STYX: variants seen among roughly 807,000 people sequenced by gnomAD.
The protein encoded by STYX is serine/threonine/tyrosine-interacting protein.
In STYX, 20 loss-of-function variants were observed where a neutral mutation model predicts 42.7. The ratio of observed to expected loss-of-function variants is 0.47; its 90% confidence interval spans 0.33 to 0.68. STYX has a LOEUF of 0.68. Ranked by LOEUF, STYX falls within the 30% of genes least tolerant of loss-of-function variation. The pLI is 0.02. For missense variants in STYX, 226 were observed against 268.5 expected, an observed-to-expected ratio of 0.84 and a Z score of 1.11; for synonymous variants, 78 against 81.9, an observed-to-expected ratio of 0.95 and a Z score of 0.26.
intron 1 of STYX, 26 bp downstream of exon 1, chr14:52,730,557 C>T (rs1880653471): frequency 1.2e-6 from 2 of 1,610,802 alleles, no homozygotes; most frequent in Non-Finnish European, 1.7e-6. Context: ...GGCTGCCACG[C>T]ACAGGCCTCT....
intron 3 of STYX, among the ~76,000 whole-genome samples, chr14:52,747,666 A>T (rs1056707215): frequency 1.3e-5 from 2 of 152,256 alleles, no homozygotes; most frequent in Admixed American, 6.5e-5. Flanking sequence ...TACATTTTTG[A>T]AATTCCCACT....
At chr14:52,731,433 CTTTTTTT>C (rs34855760) in intron 1 of STYX, among the ~76,000 whole-genome samples, 21 of 105,628 alleles carry the variant, frequency 2.0e-4, no homozygotes, top group African/African-American at 7.8e-4. Context: ...TGGAGGTTCA[CTTTTTTT>C]TTTTTTTTTT....
chr14:52,732,091 GTT>G (rs560828155), intron 1 of STYX, among the ~76,000 whole-genome samples: 1 of 85,992 alleles, frequency 1.2e-5, no homozygotes. Context: ...TATACTCATG[GTT>G]TTTTTTTTTT....
In STYX at chr14:52,759,760, T is replaced by G. The variant is rs1429955480; in HGVS notation, c.504+6T>G. 6.3e-7 allele frequency: 1 copy of G among 1,591,916 alleles called. No individual in the cohort carries two copies. On this transcript the variant is annotated splice_donor_region_variant and intron_variant, in intron 9 of 10. Coordinates refer to ENST00000354586, the MANE Select transcript of STYX (RefSeq NM_145251.4). ...GATTTGTCCATCAACTTCAGGTAACTTTTCTTCCTCTTTAAGGCAATCAGA... is the reference window on the plus strand; with the variant it reads ...GATTTGTCCATCAACTTCAGGTAACGTTTCTTCCTCTTTAAGGCAATCAGA...
intron 9 of STYX, among the ~76,000 whole-genome samples, chr14:52,764,623 A>ATGTT (rs1882227410): frequency 9.4e-6 from 1 of 106,188 alleles, no homozygotes; most frequent in Non-Finnish European, 2.1e-5. Flanking sequence ...TGGTGTGTTT[A>ATGTT]TGTTTGTTAC....
intron 3 of STYX, among the ~76,000 whole-genome samples, chr14:52,749,816 G>A (rs1310557204): frequency 6.6e-6 from 1 of 152,166 alleles, no homozygotes; most frequent in Non-Finnish European, 1.5e-5. Flanking sequence ...ATGCTCCAAA[G>A]TGAAACTTTT....
intron 1 of STYX, among the ~76,000 whole-genome samples, chr14:52,744,279 T>C: frequency 6.6e-6 from 1 of 152,242 alleles, no homozygotes; most frequent in East Asian, 1.9e-4. Flanking sequence ...TTATGTTTTG[T>C]GATATGTGTT....
chr14:52,743,428 A>G lies in STYX; in HGVS notation c.58-1424A>G, dbSNP rs191814875. On this transcript the variant is annotated intron_variant, in intron 1 of 10. Transcript: ENST00000354586. ...AACCCCGTCTCTACTAAAAGCACAC[A>G]AAAAAATTATGGCGTGGTGGTGGGT... Among the ~76,000 whole-genome samples the G allele has an allele frequency of 2.2e-4, 33 of 151,932 alleles. 1 individual carries two copies. In the East Asian group the frequency reaches 6.3e-3, roughly 29 times the overall value.
Position 52,757,789 on chromosome 14 carries a change from A to C in STYX, c.380+7A>C. 1.2e-6 allele frequency: 2 copies of C among 1,613,396 alleles called. No homozygotes were observed. On this transcript the variant is annotated splice_region_variant and intron_variant, in intron 7 of 10. Transcript: ENST00000354586. ...ATGCAGGGATCTCCAGAAGGTATGA[A>C]GTTAGAAATAATCTTTCTTTCTATA...
rs954875856 is a variant in STYX at position 52,742,992 on chromosome 14, C to G, written c.58-1860C>G. Among the ~76,000 whole-genome samples, 8 of 151,756 alleles carry G rather than the reference C, an allele frequency of 5.3e-5. No homozygotes were observed. In the East Asian group the frequency reaches 1.6e-3, roughly 30 times the overall value. On this transcript the variant is annotated intron_variant, in intron 1 of 10. Coordinates refer to ENST00000354586, the MANE Select transcript of STYX (RefSeq NM_145251.4). Reference sequence around the variant, plus strand: ...TGTATTTTTAGTAGAGATGGAGTTTCACCATGTTGGCCAGGCTGGTCTCAA... The same window carrying G: ...TGTATTTTTAGTAGAGATGGAGTTTGACCATGTTGGCCAGGCTGGTCTCAA...
At chr14:52,741,228 A>ATT (rs200620004) in intron 1 of STYX, among the ~76,000 whole-genome samples, 310 of 126,210 alleles carry the variant, frequency 2.5e-3, no homozygotes, top group African/African-American at 4.2e-3. Flanking sequence ...ATATATATAT[A>ATT]TATTTTTTTT....
chr14:52,738,908 T>C (rs1270011345), intron 1 of STYX, among the ~76,000 whole-genome samples: 1 of 152,178 alleles, frequency 6.6e-6, no homozygotes, highest in East Asian at 1.9e-4. Context: ...AGAATTGTTC[T>C]TCTAAATTGC....
intron 1 of STYX, among the ~76,000 whole-genome samples, chr14:52,736,470 T>C (rs1053628382): frequency 2.0e-5 from 3 of 152,228 alleles, no homozygotes; most frequent in African/African-American, 7.2e-5. Context: ...TAGCTGGGGC[T>C]ATTGGTTTTA....
chr14:52,752,547 C>T (rs1160548658), intron 4 of STYX, among the ~76,000 whole-genome samples: 1 of 152,058 alleles, frequency 6.6e-6, no homozygotes, highest in Non-Finnish European at 1.5e-5. Flanking sequence ...AAGATACATA[C>T]TCTAAAATAC....
intron 1 of STYX, among the ~76,000 whole-genome samples, chr14:52,732,360 C>T (rs1246401995): frequency 6.7e-6 from 1 of 149,262 alleles, no homozygotes; most frequent in Admixed American, 6.7e-5. Flanking sequence ...GCAAGCTCTG[C>T]CTCCCGTGTT....
Position 52,757,302 on chromosome 14 carries a change from A to G in STYX, c.304-17A>G. 2 of 1,597,968 alleles carry G rather than the reference A, an allele frequency of 1.3e-6. No homozygotes were observed. The highest frequency in any genetic ancestry group is 1.1e-5 in the South Asian group (1 of 88,046). On this transcript the variant is annotated splice_polypyrimidine_tract_variant and intron_variant, in intron 5 of 10. Transcript: ENST00000354586. ...TTATTTTATGCTTACATTAATCCAC[A>G]TGTCTTTTGCCTCCAGACTAAGGAA...
rs760244226 is a variant in STYX, at chr14:52,757,740, C to T, written c.341-3C>T. On this transcript the variant is annotated splice_region_variant and splice_polypyrimidine_tract_variant and intron_variant, in intron 6 of 10. Coordinates refer to ENST00000354586, the MANE Select transcript of STYX (RefSeq NM_145251.4). ...ATTAGAATAATGAATTCATGTTTTT[C>T]AGGAAAAGTTCTTGTGCATGGAAAT... The T allele has an allele frequency of 1.2e-6, 2 of 1,613,210 alleles. 1 individual carries two copies. Among genetic ancestry groups the T allele is most frequent in the Admixed American group, 3.3e-5 (2 of 59,938 alleles).
At chr14:52,739,012 C>A (rs1415585198) in intron 1 of STYX, among the ~76,000 whole-genome samples, 5 of 151,174 alleles carry the variant, frequency 3.3e-5, no homozygotes, top group Admixed American at 2.6e-4. Context: ...TCCTGTGATA[C>A]CCCCATGCAC....
At chr14:52,746,544 T>G in intron 3 of STYX, 65 bp downstream of exon 3, 1 of 1,403,452 alleles carries the variant, frequency 7.1e-7, no homozygotes, top group Admixed American at 2.6e-5. Context: ...GGTAAGTTTT[T>G]TAGTAATAAA....
Sources: gnomAD v4.1 joint callset for allele counts (sites outside exome capture counted in the v4.1 genomes callset) on GRCh38, gnomAD v4.1.1 for gene constraint, MANE v1.5 for transcripts, NCBI Gene and HGNC (gene_info 2026-07-23, HGNC 2026-07-21) for gene names.